CTBP2: variants seen among roughly 807,000 people sequenced by gnomAD.
The protein encoded by CTBP2 is C-terminal binding protein 2.
In CTBP2, 30 loss-of-function variants were observed where a neutral mutation model predicts 80.3. The ratio of observed to expected loss-of-function variants is 0.37; its 90% CI spans 0.28 to 0.51. CTBP2 has a LOEUF of 0.51. CTBP2 is among the 20% of genes least tolerant of loss of function. The pLI is 0.93. For missense variants in CTBP2, 1,212 were observed against 1,375.3 expected (o/e 0.88, Z 1.88); for synonymous variants, 594 against 587.4 (o/e 1.01, Z -0.16).
chr10:125,053,396 T>C (rs1331458673), intron 2 of CTBP2, among the ~76,000 whole-genome samples: 1 of 152,156 alleles, frequency 6.6e-6, no homozygotes, highest in African/African-American at 2.4e-5. Context: ...TGAAAGGTCT[T>C]TTGCAGTCCA....
In CTBP2 at chr10:125,026,387, T is replaced by C. The variant is rs1173371483; in HGVS notation, c.1373A>G (p.Gln458Arg). Residue 458 changes from glutamine to arginine, a missense_variant, in exon 1 of 9, where the codon CAG (glutamine) becomes CGG (arginine). This residue lies in a region of CTBP2 where 848 missense variants were observed against 782.3 expected (regional missense o/e 1.08). Transcript: ENST00000309035. The stretch of plus-strand genomic sequence containing the variant: ...CGGGTTAGTCAAGGCCACCCCTGCC[T>C]GCAGGGGGTACGTGGGGCTCAGACG... The C allele has an allele frequency of 5.0e-6, 8 of 1,611,114 alleles. No individual in the cohort carries two copies. Among genetic ancestry groups the C allele is most frequent in the Non-Finnish European group, 6.8e-6 (8 of 1,177,966 alleles).
At chr10:125,011,949 T>C (rs1348214370) in intron 1 of CTBP2, among the ~76,000 whole-genome samples, 2 of 152,194 alleles carry the variant, frequency 1.3e-5, no homozygotes, top group Non-Finnish European at 2.9e-5. Flanking sequence ...GTGCAGCTCA[T>C]GTTCTGGGGT....
intron 1 of CTBP2, among the ~76,000 whole-genome samples, chr10:125,124,354 G>T (rs1358520058): frequency 1.3e-5 from 2 of 152,144 alleles, no homozygotes; most frequent in Non-Finnish European, 2.9e-5. Flanking sequence ...CTGGTTCAAA[G>T]AATCCAAAAG....
At chr10:125,077,054 C>T (rs947817183) in intron 2 of CTBP2, among the ~76,000 whole-genome samples, 5 of 152,186 alleles carry the variant, frequency 3.3e-5, no homozygotes, top group Admixed American at 6.5e-5. Flanking sequence ...AGATGCGCCA[C>T]GCCTCCATTT....
intron 1 of CTBP2, among the ~76,000 whole-genome samples, chr10:125,129,171 A>G (rs10794200): frequency 0.49 from 74,746 of 151,912 alleles, 18,685 homozygotes; most frequent in East Asian, 0.69. Flanking sequence ...GAACAGGCAA[A>G]ACTACCTCTG....
At chr10:125,001,262 G>C (rs1253694710) in intron 3 of CTBP2, 1 of 152,352 alleles carries the variant, frequency 6.6e-6, no homozygotes, top group African/African-American at 2.4e-5. Flanking sequence ...CACCCGTATG[G>C]GCCTGGGAGC....
chr10:125,014,548 C>T (rs941905164), intron 1 of CTBP2, among the ~76,000 whole-genome samples: 6 of 152,240 alleles, frequency 3.9e-5, no homozygotes, highest in Non-Finnish European at 8.8e-5. Context: ...ATGCAAGATT[C>T]AATGCACACG....
chr10:124,996,033 G>A (rs928163975), intron 4 of CTBP2: 5 of 145,886 alleles, frequency 3.4e-5, no homozygotes, highest in Non-Finnish European at 5.9e-5. Context: ...GAACCGTGCC[G>A]ACGGCTATTT....
intron 1 of CTBP2, among the ~76,000 whole-genome samples, chr10:125,131,436 G>A (rs909803521): frequency 1.7e-4 from 26 of 152,198 alleles, no homozygotes; most frequent in African/African-American, 6.0e-4. Context: ...GAAGGGAGGG[G>A]CAGAATCTAC....
chr10:124,997,791 T>C, intron 4 of CTBP2, 173 bp downstream of exon 6: 4 of 635,178 alleles, frequency 6.3e-6, no homozygotes, highest in African/African-American at 1.8e-5. Flanking sequence ...CTAGGGTGAG[T>C]TGCCTGATGG....
At chr10:125,095,180 G>GT (rs1309787720) in intron 2 of CTBP2, among the ~76,000 whole-genome samples, 1 of 152,176 alleles carries the variant, frequency 6.6e-6, no homozygotes, top group Non-Finnish European at 1.5e-5. Context: ...CTGGGAGGAA[G>GT]TTTGACACAC....
At chr10:125,076,117 G>A (rs1329699847) in intron 2 of CTBP2, among the ~76,000 whole-genome samples, 2 of 152,160 alleles carry the variant, frequency 1.3e-5, no homozygotes, top group African/African-American at 2.4e-5. Flanking sequence ...CTCCCATGAG[G>A]AGCCTCCTCT....
At chr10:125,128,472 G>A (rs1855623059) in intron 1 of CTBP2, among the ~76,000 whole-genome samples, 1 of 152,198 alleles carries the variant, frequency 6.6e-6, no homozygotes, top group Admixed American at 6.5e-5. Flanking sequence ...GGAAAAGCAA[G>A]AGAAACAGGC....
rs775311659 is a variant in CTBP2, at chr10:125,026,399, G to A, written c.1361C>T (p.Thr454Met). 1.4e-5 allele frequency: 22 copies of A among 1,610,166 alleles called. No homozygotes were observed. The highest frequency in any genetic ancestry group is 1.8e-5 in the Non-Finnish European group (21 of 1,177,258). ...GGCCACCCCTGCCTGCAGGGGGTAC[G>A]TGGGGCTCAGACGCGCTGTCAGGGC... Residue 454 changes from threonine to methionine, a missense_variant, in exon 1 of 9, where the codon ACG becomes ATG. This residue lies in a region of CTBP2 where 848 missense variants were observed against 782.3 expected (regional missense o/e 1.08). Transcript: ENST00000309035.
At chr10:125,140,408 A>G (rs1857601831) in intron 1 of CTBP2, among the ~76,000 whole-genome samples, 1 of 152,138 alleles carries the variant, frequency 6.6e-6, no homozygotes. Context: ...GGAAGGGGAC[A>G]AAGAATGAGC....
chr10:125,114,588 C>T (rs577189439), intron 1 of CTBP2, among the ~76,000 whole-genome samples: 2 of 152,200 alleles, frequency 1.3e-5, no homozygotes, highest in East Asian at 1.9e-4. Flanking sequence ...CGTTTTAGGT[C>T]TGTAGTGAAT....
chr10:125,043,931 C>T (rs932155419), intron 2 of CTBP2, among the ~76,000 whole-genome samples: 4 of 152,090 alleles, frequency 2.6e-5, no homozygotes, highest in Admixed American at 1.3e-4. Context: ...AAAGGCAGAC[C>T]GAGTTTCACA....
At chr10:125,013,405 TCTCGTGCGGG>T (rs1956138149) in intron 1 of CTBP2, among the ~76,000 whole-genome samples, 1 of 152,176 alleles carries the variant, frequency 6.6e-6, no homozygotes, top group Admixed American at 6.5e-5. Flanking sequence ...TGTAAAATAG[TCTCGTGCGGG>T]CACCGCTGCC....
upstream of CTBP2, among the ~76,000 whole-genome samples, chr10:125,028,653 G>A (rs1353391934): frequency 6.6e-6 from 1 of 152,238 alleles, no homozygotes; most frequent in African/African-American, 2.4e-5. Flanking sequence ...GAGTGCCAGG[G>A]AAGGGCGTGT....
Sources: gnomAD v4.1 joint callset for allele counts (sites outside exome capture counted in the v4.1 genomes callset) on GRCh38, gnomAD v4.1.1 for gene constraint, gnomAD v4.1.1 regional missense constraint, MANE v1.5 for transcripts, NCBI Gene and HGNC (gene_info 2026-07-23, HGNC 2026-07-21) for gene names.